DAB1: variants seen among roughly 807,000 people sequenced by gnomAD.
The protein encoded by DAB1 is disabled homolog 1.
A neutral mutation model predicts 64.6 loss-of-function variants in DAB1; 15 were observed. The observed-to-expected ratio is 0.23, with a 90% CI of 0.16 to 0.36. DAB1 has a LOEUF of 0.36. Ranked by LOEUF, DAB1 falls within the 10% of genes least tolerant of loss-of-function variation. The probability of loss-of-function intolerance (pLI) is 1.00; values close to 1 mark genes in which losing one functional copy is unlikely to be tolerated. For missense variants in DAB1, 596 were observed against 706.7 expected (o/e 0.84, Z 1.78); for synonymous variants, 235 against 251.9 (o/e 0.93, Z 0.64).
chr1:57,980,692 T>A (rs1646043792), intron 5 of DAB1, among the ~76,000 whole-genome samples: 1 of 152,130 alleles, frequency 6.6e-6, no homozygotes, highest in African/African-American at 2.4e-5. Flanking sequence ...CCTGATAAAA[T>A]GGATATGAAA....
chr1:58,003,937 C>T (rs553765019), intron 5 of DAB1, among the ~76,000 whole-genome samples: 38 of 152,264 alleles, frequency 2.5e-4, no homozygotes, highest in African/African-American at 5.8e-4. Flanking sequence ...GGCTTCAGGA[C>T]GGGAAGTGGG....
At chr1:57,761,534 C>T (rs1265774963) in intron 6 of DAB1, among the ~76,000 whole-genome samples, 1 of 152,202 alleles carries the variant, frequency 6.6e-6, no homozygotes, top group Admixed American at 6.5e-5. Flanking sequence ...TTGCAGTCTT[C>T]ACTTCTACCC....
intron 3 of DAB1, among the ~76,000 whole-genome samples, chr1:58,374,022 G>T (rs1644298385): frequency 2.3e-5 from 2 of 88,544 alleles, no homozygotes; most frequent in Non-Finnish European, 4.9e-5. Flanking sequence ...TTTTTGATGG[G>T]GTTCTTTGTT....
intron 1 of DAB1, among the ~76,000 whole-genome samples, chr1:57,857,240 A>G (rs759588417): frequency 9.2e-5 from 14 of 152,244 alleles, no homozygotes; most frequent in Non-Finnish European, 1.5e-4. Flanking sequence ...GGAAAAACTC[A>G]CTTCTCAAAG....
At chr1:58,070,960 C>A (rs1360696036) in intron 5 of DAB1, among the ~76,000 whole-genome samples, 1 of 152,140 alleles carries the variant, frequency 6.6e-6, no homozygotes, top group African/African-American at 2.4e-5. Context: ...CACAAGTTTC[C>A]CCTGGAGCTC....
intron 4 of DAB1, among the ~76,000 whole-genome samples, chr1:58,328,509 C>T (rs529095449): frequency 6.6e-5 from 10 of 152,320 alleles, no homozygotes; most frequent in Non-Finnish European, 1.2e-4. Flanking sequence ...GGCCCTTTGC[C>T]GCAGCAGCCA....
intron 1 of DAB1, among the ~76,000 whole-genome samples, chr1:57,376,652 T>C (rs537415842): frequency 6.6e-6 from 1 of 152,338 alleles, no homozygotes; most frequent in African/African-American, 2.4e-5. Flanking sequence ...GATGACTTTG[T>C]ATGTCCAGAA....
At chr1:57,683,929 C>T (rs1646665663) in intron 6 of DAB1, among the ~76,000 whole-genome samples, 1 of 152,102 alleles carries the variant, frequency 6.6e-6, no homozygotes, top group Non-Finnish European at 1.5e-5. Context: ...CAAAACAGAA[C>T]TTCTGGAACT....
chr1:57,822,537 C>T (rs141512272), downstream of DAB1, among the ~76,000 whole-genome samples: 1,397 of 152,226 alleles, frequency 9.2e-3, 21 homozygotes, highest in African/African-American at 0.033. Context: ...TACCCTTGTA[C>T]AATAGACATA....
chr1:57,855,918 A>G (rs2101933993), intron 1 of DAB1, among the ~76,000 whole-genome samples: 1 of 152,366 alleles, frequency 6.6e-6, no homozygotes, highest in Admixed American at 6.5e-5. Flanking sequence ...AAAAGGTCCC[A>G]GGAGGCAAGA....
At chr1:57,491,393 A>C (rs1644162633) in intron 7 of DAB1, among the ~76,000 whole-genome samples, 1 of 152,166 alleles carries the variant, frequency 6.6e-6, no homozygotes, top group South Asian at 2.1e-4. Context: ...GCGCCACTGC[A>C]CTCTAGCCTG....
chr1:57,909,000 C>T (rs1224631488), intron 5 of DAB1, among the ~76,000 whole-genome samples: 1 of 152,168 alleles, frequency 6.6e-6, no homozygotes, highest in African/African-American at 2.4e-5. Context: ...TTACGTGATA[C>T]AGAGGCATTT....
chr1:58,500,837 T>G (rs1645895072), intron 3 of DAB1, among the ~76,000 whole-genome samples: 1 of 152,190 alleles, frequency 6.6e-6, no homozygotes, highest in South Asian at 2.1e-4. Context: ...GTTTTCAGTT[T>G]TAAAATAAAT....
intron 4 of DAB1, among the ~76,000 whole-genome samples, chr1:58,305,074 T>C (rs1662275081): frequency 6.6e-6 from 1 of 152,120 alleles, no homozygotes. Context: ...CACTACAGTC[T>C]TGAACTCCTG....
intron 5 of DAB1, among the ~76,000 whole-genome samples, chr1:58,137,585 C>A (rs1423852775): frequency 6.6e-6 from 1 of 152,164 alleles, no homozygotes; most frequent in African/African-American, 2.4e-5. Context: ...ATGCATCCAA[C>A]TATCCATCCA....
chr1:57,938,831 T>C (rs1645063458), intron 5 of DAB1, among the ~76,000 whole-genome samples: 1 of 151,992 alleles, frequency 6.6e-6, no homozygotes, highest in African/African-American at 2.4e-5. Flanking sequence ...CTTTAGTAAC[T>C]AAAGGGCTGC....
intron 7 of DAB1, among the ~76,000 whole-genome samples, chr1:57,575,684 G>A (rs546656413): frequency 6.6e-6 from 1 of 152,310 alleles, no homozygotes; most frequent in African/African-American, 2.4e-5. Flanking sequence ...CTGGGGCTGA[G>A]CTATGAACCT....
At chr1:58,192,759 C>T (rs536715796) in intron 4 of DAB1, among the ~76,000 whole-genome samples, 1 of 152,248 alleles carries the variant, frequency 6.6e-6, no homozygotes, top group East Asian at 1.9e-4. Context: ...AATAGTGCTG[C>T]AATAAATATA....
intron 8 of DAB1, among the ~76,000 whole-genome samples, chr1:57,067,295 G>GA (rs1205920552): frequency 3.3e-5 from 5 of 152,238 alleles, no homozygotes; most frequent in Non-Finnish European, 5.9e-5. Context: ...ATCGAATTGT[G>GA]AAACTCAGAA....
Sources: gnomAD v4.1 joint callset for allele counts (sites outside exome capture counted in the v4.1 genomes callset) on GRCh38, gnomAD v4.1.1 for gene constraint, MANE v1.5 for transcripts, NCBI Gene and HGNC (gene_info 2026-07-23, HGNC 2026-07-21) for gene names.